PCDHA13: variants seen among roughly 807,000 people sequenced by gnomAD.
PCDHA13 encodes the protein protocadherin alpha-13.
In PCDHA13, 54 loss-of-function variants were observed where a neutral mutation model predicts 64.8. That is an observed-to-expected ratio of 0.83 (90% CI 0.67 to 1.04). The LOEUF (loss-of-function observed/expected upper bound fraction) is 1.04. Among genes scored for constraint, PCDHA13 ranks in the 50% least tolerant of loss-of-function variants. PCDHA13 has a pLI of 0.00. For missense variants in PCDHA13, 1,248 were observed against 1,254.3 expected (o/e 0.99, Z 0.08); for synonymous variants, 587 against 564.4 (o/e 1.04, Z -0.57).
intron 1 of PCDHA13, chr5:140,929,574 G>A: frequency 2.2e-6 from 1 of 448,534 alleles, no homozygotes; most frequent in Non-Finnish European, 3.9e-6. Flanking sequence ...AACAATAAAA[G>A]TAATATGACA....
intron 1 of PCDHA13, chr5:140,969,174 G>A (rs777458792): frequency 6.2e-7 from 1 of 1,614,076 alleles, no homozygotes; most frequent in South Asian, 1.1e-5. Flanking sequence ...GGCTCAGGGA[G>A]TGACACTTTC....
At chr5:140,923,287 A>G (rs1554201330) in intron 1 of PCDHA13, among the ~76,000 whole-genome samples, 1 of 152,224 alleles carries the variant, frequency 6.6e-6, no homozygotes, top group Non-Finnish European at 1.5e-5. Context: ...AAAAATTAAA[A>G]ATTAGCTGGG....
At chr5:140,974,828 A>T (rs2096642920) in intron 1 of PCDHA13, among the ~76,000 whole-genome samples, 1 of 152,188 alleles carries the variant, frequency 6.6e-6, no homozygotes, top group Non-Finnish European at 1.5e-5. Flanking sequence ...CAACATAATG[A>T]TTATTTTAAA....
intron 1 of PCDHA13, among the ~76,000 whole-genome samples, chr5:140,906,125 T>G (rs1168148239): frequency 6.6e-6 from 1 of 152,028 alleles, no homozygotes; most frequent in Non-Finnish European, 1.5e-5. Flanking sequence ...GACACAAATG[T>G]TAGTCTCCTT....
chr5:141,005,308 TA>T (rs1345689314), intron 3 of PCDHA13, among the ~76,000 whole-genome samples: 4 of 152,214 alleles, frequency 2.6e-5, no homozygotes, highest in Non-Finnish European at 4.4e-5. Context: ...TTGTGAATCT[TA>T]CAGTGGTAGA....
At chr5:140,916,252 G>A (rs2077495466) in intron 1 of PCDHA13, among the ~76,000 whole-genome samples, 1 of 152,176 alleles carries the variant, frequency 6.6e-6, no homozygotes, top group Admixed American at 6.5e-5. Flanking sequence ...TGGACTTGGG[G>A]ACCCCAAGAG....
Position 140,883,695 on chromosome 5 carries a change from C to T in PCDHA13, c.1427C>T (p.Thr476Met). 1.2e-6 allele frequency: 2 copies of T among 1,613,804 alleles called. No homozygotes were observed. The highest frequency in any genetic ancestry group is 1.7e-6 in the Non-Finnish European group (2 of 1,179,876). ...AATCCGCCGGGCTGCCACATCTTCACGGTGTCTGCTCAGGACGCGGACGCA... is the reference window on the plus strand; with the variant it reads ...AATCCGCCGGGCTGCCACATCTTCATGGTGTCTGCTCAGGACGCGGACGCA... ...ENNPPGCHIF[T>M]VSAQDADAQE... is the part of the protein sequence containing the mutation. Residue 476 changes from threonine (T) to methionine (M), a missense_variant, in exon 1 of 4, where the codon ACG becomes ATG. By Grantham distance (81) the Thr-to-Met change is moderately conservative (BLOSUM62 -1). Transcript: ENST00000289272.
rs1238256859 is a variant in PCDHA13, at chr5:141,010,204, C to T, written c.*267C>T. 6.4e-7 allele frequency: 1 copy of T among 1,551,970 alleles called. No homozygotes were observed. On this transcript the variant is annotated 3_prime_UTR_variant, in exon 4 of 4. Transcript: ENST00000289272. The stretch of plus-strand genomic sequence containing the variant: ...GACCCAAGTTTCCTTTCTCCTCCGC[C>T]GCAAAGGAGAGGCTTCCCAGCCCCG...
intron 3 of PCDHA13, among the ~76,000 whole-genome samples, chr5:140,987,537 T>C (rs1343074603): frequency 6.6e-6 from 1 of 152,176 alleles, no homozygotes; most frequent in African/African-American, 2.4e-5. Context: ...CCTGGGACCA[T>C]TACTTAACTT....
intron 1 of PCDHA13, chr5:140,967,010 C>G: frequency 6.2e-7 from 1 of 1,606,340 alleles, no homozygotes. Flanking sequence ...CATCAACCAT[C>G]TGGGTGCGCC....
chr5:140,984,230 A>C (rs1329517544), intron 3 of PCDHA13, among the ~76,000 whole-genome samples: 1 of 152,112 alleles, frequency 6.6e-6, no homozygotes, highest in Non-Finnish European at 1.5e-5. Flanking sequence ...GCTCTTATGG[A>C]GGCATTGTAG....
At chr5:140,988,698 A>G (rs1563551697) in intron 3 of PCDHA13, among the ~76,000 whole-genome samples, 1 of 152,116 alleles carries the variant, frequency 6.6e-6, no homozygotes, top group East Asian at 1.9e-4. Context: ...GACGCTCTGT[A>G]TTTTCTTGGA....
rs1554262937 is a variant in PCDHA13 at position 141,010,412 on chromosome 5, G to A, written c.*475G>A. 2.5e-6 allele frequency: 3 copies of A among 1,201,296 alleles called. No homozygotes were observed. Among genetic ancestry groups the A allele is most frequent in the Non-Finnish European group, 3.4e-6 (3 of 885,080 alleles). 74.4% of individuals were successfully genotyped at this position (1,201,296 alleles called of 1,614,324 possible). On this transcript the variant is annotated 3_prime_UTR_variant, in exon 4 of 4. Coordinates refer to ENST00000289272, the MANE Select transcript of PCDHA13 (RefSeq NM_018904.3). ...GAGACGAGCCAGCTTAGACTAATTG[G>A]TACAAGGAAGGCAAGAAAACAAAGA...
At chr5:140,949,975 A>AT (rs2153688056) in intron 1 of PCDHA13, among the ~76,000 whole-genome samples, 1 of 152,044 alleles carries the variant, frequency 6.6e-6, no homozygotes, top group South Asian at 2.1e-4. Flanking sequence ...TACAGCATAC[A>AT]TACTTAACTT....
chr5:140,882,334 A>G lies in PCDHA13; in HGVS notation c.66A>G (p.Ala22=). 2 of 1,614,176 alleles carry G rather than the reference A, an allele frequency of 1.2e-6. No homozygotes were observed. Among genetic ancestry groups the G allele is most frequent in the Non-Finnish European group, 1.7e-6 (2 of 1,180,024 alleles). The change falls in exon 1 of 4, where the codon GCA becomes GCG. Residue 22 remains alanine, a synonymous_variant. Transcript: ENST00000289272. ...TACTGCTCTGGCTTCTGATCCTCGC[A>G]GCCTGGGAGACGGGTAGTGGCCAGC... ...RQLLLWLLIL[A]AWETGSGQLH...
At chr5:140,902,406 T>A (rs1166768605) in intron 1 of PCDHA13, among the ~76,000 whole-genome samples, 1 of 152,088 alleles carries the variant, frequency 6.6e-6, no homozygotes, top group Non-Finnish European at 1.5e-5. Flanking sequence ...AATACTATGT[T>A]GAATAACAGT....
At chr5:140,900,439 G>A (rs1348507716) in intron 1 of PCDHA13, among the ~76,000 whole-genome samples, 1 of 152,242 alleles carries the variant, frequency 6.6e-6, no homozygotes, top group East Asian at 1.9e-4. Context: ...CACCACGGCC[G>A]GCTAATTTTT....
intron 1 of PCDHA13, 119 bp from the exon 2 acceptor site, chr5:140,978,830 C>T: frequency 6.5e-7 from 1 of 1,535,340 alleles, no homozygotes; most frequent in Non-Finnish European, 8.8e-7. Context: ...TGAAATGGCT[C>T]ATTCAATACT....
At chr5:140,975,068 C>T (rs1273763502) in intron 1 of PCDHA13, among the ~76,000 whole-genome samples, 4 of 152,134 alleles carry the variant, frequency 2.6e-5, no homozygotes, top group African/African-American at 9.7e-5. Flanking sequence ...CGAGCTCATT[C>T]AGATTGTTGG....
Sources: gnomAD v4.1 joint callset for allele counts (sites outside exome capture counted in the v4.1 genomes callset) on GRCh38, gnomAD v4.1.1 for gene constraint, MANE v1.5 for transcripts, NCBI Gene and HGNC (gene_info 2026-07-23, HGNC 2026-07-21) for gene names.